Variants in GPC6 observed in about 807,000 individuals in gnomAD.
GPC6 encodes glypican 6.
In GPC6, 14 loss-of-function variants were observed where a neutral mutation model predicts 55.2. The ratio of observed to expected loss-of-function variants is 0.25; its 90% confidence interval spans 0.17 to 0.40. The LOEUF is 0.40. GPC6 is among the 10% of genes least tolerant of loss of function. The pLI is 1.00. For synonymous variants in GPC6, 278 were observed against 259.6 expected, an observed-to-expected ratio of 1.07 and a Z score of -0.68; for missense variants, 641 against 708.5, an observed-to-expected ratio of 0.90 and a Z score of 1.08.
chr13:93,757,731 A>T (rs995621686), intron 2 of GPC6, among the ~76,000 whole-genome samples: 1 of 151,932 alleles, frequency 6.6e-6, no homozygotes, highest in African/African-American at 2.4e-5. Context: ...AGTAGGAATG[A>T]CTCCAGCAAG....
chr13:94,360,337 ATGAT>A (rs144916950), intron 6 of GPC6, among the ~76,000 whole-genome samples: 4 of 152,200 alleles, frequency 2.6e-5, no homozygotes, highest in South Asian at 2.1e-4. Flanking sequence ...TCGATGATAG[ATGAT>A]TGATTGATTG....
chr13:93,361,159 T>A (rs1881027854), intron 1 of GPC6, among the ~76,000 whole-genome samples: 1 of 152,158 alleles, frequency 6.6e-6, no homozygotes, highest in Non-Finnish European at 1.5e-5. Context: ...TTGGTTCCTG[T>A]CACAGTTCAG....
At chr13:93,240,305 G>A (rs545573921) in intron 1 of GPC6, among the ~76,000 whole-genome samples, 1 of 152,186 alleles carries the variant, frequency 6.6e-6, no homozygotes, top group Admixed American at 6.5e-5. Context: ...GGAAGCTCTG[G>A]TGTTAGGTGT....
At chr13:94,191,794 A>G (rs1889404219) in intron 4 of GPC6, among the ~76,000 whole-genome samples, 1 of 152,154 alleles carries the variant, frequency 6.6e-6, no homozygotes, top group Non-Finnish European at 1.5e-5. Context: ...GTTCAATTTC[A>G]TCTCCAAGGG....
intron 4 of GPC6, among the ~76,000 whole-genome samples, chr13:94,267,727 T>C (rs1891861470): frequency 6.6e-6 from 1 of 152,218 alleles, no homozygotes; most frequent in African/African-American, 2.4e-5. Context: ...ACTGCTTTGC[T>C]GTGATGAGTG....
intron 1 of GPC6, among the ~76,000 whole-genome samples, chr13:93,368,390 G>GTCCT (rs1168320888): frequency 0.011 from 593 of 56,230 alleles, 8 homozygotes; most frequent in African/African-American, 0.027. Flanking sequence ...CCTTCCTTCC[G>GTCCT]TCCTTCCTTC....
At chr13:93,962,480 C>T (rs995341192) in intron 3 of GPC6, among the ~76,000 whole-genome samples, 2 of 151,988 alleles carry the variant, frequency 1.3e-5, no homozygotes, top group Non-Finnish European at 1.5e-5. Flanking sequence ...ACTCCCAGTT[C>T]CTAACCCAGT....
intron 1 of GPC6, among the ~76,000 whole-genome samples, chr13:93,493,795 A>G (rs1166880004): frequency 1.7e-5 from 2 of 119,652 alleles, no homozygotes; most frequent in African/African-American, 6.1e-5. Context: ...GTAGTCATTC[A>G]GGAGCAGGTT....
chr13:93,426,071 T>G (rs1469209068), intron 1 of GPC6, among the ~76,000 whole-genome samples: 2 of 152,198 alleles, frequency 1.3e-5, no homozygotes, highest in Non-Finnish European at 2.9e-5. Flanking sequence ...ATTGTACTGA[T>G]ATATAATTAC....
At chr13:94,277,203 T>A (rs1892243119) in intron 4 of GPC6, among the ~76,000 whole-genome samples, 2 of 152,256 alleles carry the variant, frequency 1.3e-5, no homozygotes, top group Non-Finnish European at 2.9e-5. Flanking sequence ...TTGAGCTTTT[T>A]TTCATATGTT....
intron 4 of GPC6, among the ~76,000 whole-genome samples, chr13:94,211,670 C>T (rs1186333631): frequency 6.6e-6 from 1 of 152,120 alleles, no homozygotes; most frequent in African/African-American, 2.4e-5. Flanking sequence ...AGAAGGCTTA[C>T]GTGGTCTGTC....
At chr13:94,200,477 T>G (rs912827708) in intron 4 of GPC6, among the ~76,000 whole-genome samples, 5 of 152,166 alleles carry the variant, frequency 3.3e-5, no homozygotes, top group Admixed American at 3.3e-4. Context: ...GGACAGTAAA[T>G]CTGCATATTA....
intron 4 of GPC6, among the ~76,000 whole-genome samples, chr13:94,149,424 A>G (rs760861103): frequency 3.6e-4 from 55 of 152,166 alleles, no homozygotes; most frequent in Non-Finnish European, 7.6e-4. Context: ...GCATTCTCTC[A>G]GTGTGATGGT....
At chr13:94,022,375 A>G (rs1882729935) in intron 3 of GPC6, among the ~76,000 whole-genome samples, 1 of 152,006 alleles carries the variant, frequency 6.6e-6, no homozygotes, top group Non-Finnish European at 1.5e-5. Context: ...TTCACTTAGG[A>G]TAATGTCCTA....
At chr13:94,360,711 T>C (rs9589969) in intron 6 of GPC6, among the ~76,000 whole-genome samples, 8,242 of 151,922 alleles carry the variant, frequency 0.054, 636 homozygotes, top group African/African-American at 0.17. Context: ...GCTATCCTCC[T>C]CCCCCCAAAT....
intron 4 of GPC6, among the ~76,000 whole-genome samples, chr13:94,176,214 A>C (rs1888762446): frequency 6.6e-6 from 1 of 152,082 alleles, no homozygotes; most frequent in South Asian, 2.1e-4. Flanking sequence ...TGAAATCAGC[A>C]CTGAGTGGGT....
At chr13:93,296,636 C>T (rs555534609) in intron 1 of GPC6, among the ~76,000 whole-genome samples, 1 of 152,248 alleles carries the variant, frequency 6.6e-6, no homozygotes, top group South Asian at 2.1e-4. Flanking sequence ...CTCCATGTCC[C>T]ATAGTCTCCA....
intron 1 of GPC6, among the ~76,000 whole-genome samples, chr13:93,299,032 C>A (rs757943334): frequency 1.3e-5 from 2 of 152,014 alleles, no homozygotes. Context: ...ACTACAGTTC[C>A]TTGGACTCAG....
intron 2 of GPC6, among the ~76,000 whole-genome samples, chr13:93,690,087 C>T (rs1249356789): frequency 6.6e-6 from 1 of 152,048 alleles, no homozygotes; most frequent in Non-Finnish European, 1.5e-5. Flanking sequence ...CTGATGATTG[C>T]ACTTTGAATT....
Sources: allele counts gnomAD v4.1 joint callset (sites outside exome capture counted in the v4.1 genomes callset), GRCh38; gene constraint gnomAD v4.1.1; transcripts MANE v1.5; gene names NCBI Gene and HGNC (gene_info 2026-07-23, HGNC 2026-07-21).